The following CYP1B1 variants were observed in gnomAD, a reference collection of about 807,000 sequenced individuals.
The protein encoded by CYP1B1 is cytochrome P450 family 1 subfamily B member 1, also known as cytochrome P450 1B1.
CYP1B1 carries 22 observed loss-of-function variants against 29.9 expected under a neutral mutation model. The observed-to-expected ratio is 0.74, with a 90% CI of 0.53 to 1.05. The LOEUF is 1.05. Ranked by LOEUF, CYP1B1 falls within the 50% of genes least tolerant of loss-of-function variation. The pLI is 0.00. For missense variants in CYP1B1, 883 were observed against 746.9 expected, an observed-to-expected ratio of 1.18 and a Z score of -2.12; for synonymous variants, 375 against 320.0, an observed-to-expected ratio of 1.17 and a Z score of -1.83.
chr2:38,074,225 G>A (rs1359948575), intron 2 of CYP1B1, 121 bp downstream of exon 2: 3 of 1,099,528 alleles, frequency 2.7e-6, no homozygotes, highest in Non-Finnish European at 4.0e-6. Flanking sequence ...GGTTTTGAGG[G>A]GTGGGGACCT....
chr2:38,073,845 G>C (rs530120655), intron 2 of CYP1B1: 1 of 158,524 alleles, frequency 6.3e-6, no homozygotes, highest in Non-Finnish European at 1.4e-5. Context: ...GGCTTCCTTG[G>C]CCTGGAACAA....
rs891952654 is a variant in CYP1B1 at position 38,068,496 on chromosome 2, A to G, written c.*2226T>C. 3.1e-5 allele frequency: 7 copies of G among 225,028 alleles called. No individual in the cohort carries two copies. The highest frequency in any genetic ancestry group is 1.3e-4 in the African/African-American group (6 of 44,816). 13.9% of individuals were successfully genotyped at this position (225,028 alleles called of 1,614,324 possible). On this transcript the variant is annotated 3_prime_UTR_variant, in exon 3 of 3. Transcript: ENST00000610745. The stretch of plus-strand genomic sequence containing the variant: ...TTATTTTTGCAGCTACACATTTCTC[A>G]ATCTAAAAAAATAGGCTACAGCAGC...
Position 38,074,767 on chromosome 2 carries a change from C to A in CYP1B1, c.622G>T (p.Val208Leu). The A allele has an allele frequency of 1.3e-6, 2 of 1,598,190 alleles. No individual in the cohort carries two copies. Among genetic ancestry groups the A allele is most frequent in the Non-Finnish European group, 1.7e-6 (2 of 1,172,968 alleles). The stretch of plus-strand genomic sequence containing the variant: ...TGGCTGTAGCGGCAGCCGAAACACA[C>A]GGCACTCATGACGTTGGCCACGGCC... ...VVAVANVMSA[V>L]CFGCRYSHDD... is the part of the protein sequence containing the mutation. Residue 208 changes from valine (V) to leucine (L), a missense_variant, in exon 2 of 3, where the codon GTG (valine) becomes TTG (leucine). Val to Leu is a conservative substitution (Grantham distance 32). Transcript: ENST00000610745.
chr2:38,074,546 T>C lies in CYP1B1; in HGVS notation c.843A>G (p.Glu281=). The part of the protein sequence containing the change: ...FILDKFLRHC[E]SLRPGAAPRD... ...GGGGGGCGGCCCCGGGCCGAAGGCT[T>C]TCGCAGTGCCTCAAGAACTTGTCCA... The change falls in exon 2 of 3, where the codon GAA becomes GAG. Residue 281 remains glutamate (E), a synonymous_variant. Coordinates refer to ENST00000610745, the MANE Select transcript of CYP1B1 (RefSeq NM_000104.4). The C allele has an allele frequency of 1.2e-6, 2 of 1,608,956 alleles. No homozygotes were observed. Among genetic ancestry groups the C allele is most frequent in the Non-Finnish European group, 8.5e-7 (1 of 1,177,866 alleles).
At position 38,074,771 on chromosome 2, in the gene CYP1B1, A is replaced by G. The variant is rs920747152; in HGVS notation, c.618T>C (p.Ser206=). The change falls in exon 2 of 3, where the codon AGT becomes AGC. Residue 206 remains serine, a synonymous_variant. Transcript: ENST00000610745. ...TGTAGCGGCAGCCGAAACACACGGC[A>G]CTCATGACGTTGGCCACGGCCACGA... ...LTVVAVANVM[S]AVCFGCRYSH... is the part of the protein sequence containing the mutation. 3 of 1,596,008 alleles carry G rather than the reference A, an allele frequency of 1.9e-6. No homozygotes were observed. In the African/African-American group the frequency reaches 4.0e-5, roughly 21 times the overall value.
Position 38,074,675 on chromosome 2 carries a change from G to T in CYP1B1, c.714C>A (p.Gly238=). 6.2e-7 allele frequency: 1 copy of T among 1,613,056 alleles called. No homozygotes were observed. Among genetic ancestry groups the T allele is most frequent in the Non-Finnish European group, 8.5e-7 (1 of 1,179,980 alleles). Residue 238 remains glycine (G), a synonymous_variant, in exon 2 of 3, where the codon GGC becomes GGA. Coordinates refer to ENST00000610745, the MANE Select transcript of CYP1B1 (RefSeq NM_000104.4). The part of the protein sequence containing the change: ...NEEFGRTVGA[G]SLVDVMPWLQ... ...GCCAGGGCATCACGTCCACCAGGCTGCCCGCGCCCACCGTGCGCCCGAACT... is the reference window on the plus strand; with the variant it reads ...GCCAGGGCATCACGTCCACCAGGCTTCCCGCGCCCACCGTGCGCCCGAACT...
Position 38,074,857 on chromosome 2 carries a change from CCA to C in CYP1B1, c.530_531del (p.Leu177ArgfsTer46). The stretch of plus-strand genomic sequence containing the variant: ...GCGCTGCCGCGCACCAGCAGCGCCA[CCA>C]GCTCGCGCGCCTCGCTCAGCACGTG... Reference protein sequence around the residue: ...EGHVLSEARELVALLVRGSAD... With the variant: ...EGHVLSEAREXVALLVRGSAD... On this transcript the variant is annotated frameshift_variant, in exon 2 of 3. Coordinates refer to ENST00000610745, the MANE Select transcript of CYP1B1 (RefSeq NM_000104.4). LOFTEE classifies it high-confidence loss of function. 6.4e-7 allele frequency: 1 copy of C among 1,556,430 alleles called. No homozygotes were observed. Among genetic ancestry groups the C allele is most frequent in the Non-Finnish European group, 8.7e-7 (1 of 1,151,940 alleles).
chr2:38,075,008 G>A lies in CYP1B1; in HGVS notation c.381C>T (p.Ser127=), dbSNP rs780857657. 7.5e-6 allele frequency: 12 copies of A among 1,590,818 alleles called. No individual in the cohort carries two copies. The highest frequency in any genetic ancestry group is 3.4e-5 in the Admixed American group (2 of 59,304). Residue 127 remains serine, a synonymous_variant, in exon 2 of 3, where the codon TCC becomes TCT. Coordinates refer to ENST00000610745, the MANE Select transcript of CYP1B1 (RefSeq NM_000104.4). ...GGCCGAAAGCCATGCTGCGGCCGCC[G>A]GACACCACACGGAAGGAGGCGAAGG... The part of the protein sequence containing the change: ...RPAFASFRVV[S]GGRSMAFGHY...
rs1424826496 is a variant in CYP1B1, at chr2:38,067,767, A to T, written c.*2955T>A. The T allele has an allele frequency of 5.5e-6, 1 of 183,424 alleles. No individual in the cohort carries two copies. Among genetic ancestry groups the T allele is most frequent in the Non-Finnish European group, 1.2e-5 (1 of 86,100 alleles). The allele number at this position is 183,424 out of a possible 1,614,324, so 11.4% of individuals were successfully genotyped here. ...CAACTATGCACTGTAGCTATTATGC[A>T]CACACTAAAAGCATTCATGATAAAG... On this transcript the variant is annotated 3_prime_UTR_variant, in exon 3 of 3. Transcript: ENST00000610745.
chr2:38,074,605 C>G lies in CYP1B1; in HGVS notation c.784G>C (p.Glu262Gln). The change falls in exon 2 of 3, where the codon GAG (glutamate) becomes CAG (glutamine). Residue 262 changes from glutamate to glutamine, a missense_variant. Coordinates refer to ENST00000610745, the MANE Select transcript of CYP1B1 (RefSeq NM_000104.4). ...TTGCTGAAGTTGCGGTTGAGCTGCT[C>G]GAATTCGCGGAAAACGGTGCGCACC... ...NPVRTVFREF[E>Q]QLNRNFSNFI... 1.2e-6 allele frequency: 2 copies of G among 1,613,480 alleles called. No homozygotes were observed. Among genetic ancestry groups the G allele is most frequent in the Non-Finnish European group, 8.5e-7 (1 of 1,179,952 alleles).
In CYP1B1 at chr2:38,069,635, GAAGAA is replaced by G; in HGVS notation, c.*1082_*1086del. On this transcript the variant is annotated 3_prime_UTR_variant, in exon 3 of 3. Transcript: ENST00000610745. ...TTTTGAGATTCGCCAAAATTTGAGTGAAGAAAAGAAACCCTGCTTCATTTCCATGT... is the reference window on the plus strand; with the variant it reads ...TTTTGAGATTCGCCAAAATTTGAGTGAAGAAACCCTGCTTCATTTCCATGT... 1.0e-5 allele frequency: 2 copies of G among 200,902 alleles called. No individual in the cohort carries two copies. The highest frequency in any genetic ancestry group is 2.3e-5 in the African/African-American group (1 of 43,720). The allele number at this position is 200,902 out of a possible 1,614,324, so 12.4% of individuals were successfully genotyped here. A position where few individuals can be genotyped will look rare whatever the true frequency, so the allele number is the denominator to read the frequency against.
At position 38,074,823 on chromosome 2, in the gene CYP1B1, G is replaced by A; in HGVS notation, c.566C>T (p.Ala189Val). 1 of 1,566,886 alleles carries A rather than the reference G, an allele frequency of 6.4e-7. No homozygotes were observed. The highest frequency in any genetic ancestry group is 8.6e-7 in the Non-Finnish European group (1 of 1,156,624). ...ALLVRGSADG[A>V]FLDPRPLTVV... is the part of the protein sequence containing the mutation. ...GGTCAGCGGCCTCGGGTCGAGGAAG[G>A]CGCCGTCCGCGCTGCCGCGCACCAG... The change falls in exon 2 of 3, where the codon GCC (alanine) becomes GTC (valine). Residue 189 changes from alanine to valine, a missense_variant. By Grantham distance (64) the Ala-to-Val change is moderately conservative. Coordinates refer to ENST00000610745, the MANE Select transcript of CYP1B1 (RefSeq NM_000104.4).
At chr2:38,072,404 A>G (rs1573273628) in intron 2 of CYP1B1, among the ~76,000 whole-genome samples, 1 of 152,202 alleles carries the variant, frequency 6.6e-6, no homozygotes, top group Non-Finnish European at 1.5e-5. Flanking sequence ...TAAAAATGCA[A>G]TCAAGGCCAA....
Position 38,070,874 on chromosome 2 carries a change from T to G in CYP1B1, c.1480A>C (p.Arg494=). 6.2e-7 allele frequency: 1 copy of G among 1,614,166 alleles called. No individual in the cohort carries two copies. The highest frequency in any genetic ancestry group is 8.5e-7 in the Non-Finnish European group (1 of 1,180,036). ...TTCGCAGGCTCATTTGGGTTGGCCC[T>G]GAAATCGCACTGGTGAGCCAGGATG... is the stretch of plus-strand genomic sequence containing the variant. ...ISILAHQCDF[R]ANPNEPAKMN... Residue 494 remains arginine (R), a synonymous_variant, in exon 3 of 3, where the codon AGG becomes CGG. Coordinates refer to ENST00000610745, the MANE Select transcript of CYP1B1 (RefSeq NM_000104.4).
intron 2 of CYP1B1, chr2:38,073,315 C>G (rs1363355049): frequency 1.3e-5 from 2 of 152,236 alleles, no homozygotes; most frequent in East Asian, 3.8e-4. Flanking sequence ...GATTCAGCAT[C>G]TCCAACTGCT....
At position 38,074,825 on chromosome 2, in the gene CYP1B1, G is replaced by T. The variant is rs9341247; in HGVS notation, c.564C>A (p.Gly188=). 4.1e-3 allele frequency: 6,459 copies of T among 1,567,192 alleles called. 239 individuals are homozygous for T. In the African/African-American group the frequency reaches 0.078, roughly 19 times the overall value. Residue 188 remains glycine (G), a synonymous_variant, in exon 2 of 3, where the codon GGC becomes GGA. Coordinates refer to ENST00000610745, the MANE Select transcript of CYP1B1 (RefSeq NM_000104.4). The part of the protein sequence containing the change: ...VALLVRGSAD[G]AFLDPRPLTV... ...TCAGCGGCCTCGGGTCGAGGAAGGC[G>T]CCGTCCGCGCTGCCGCGCACCAGCA... is the stretch of plus-strand genomic sequence containing the variant.
Position 38,070,714 on chromosome 2 carries a change from C to T in CYP1B1, c.*8G>A. On this transcript the variant is annotated 3_prime_UTR_variant, in exon 3 of 3. Transcript: ENST00000610745. ...ATATTTCTAAAATTTCAGCTTGCCT[C>T]TTGCTTCTTATTGGCAAGTTTCCTT... The T allele has an allele frequency of 3.1e-6, 5 of 1,613,156 alleles. No individual in the cohort carries two copies. Among genetic ancestry groups the T allele is most frequent in the Non-Finnish European group, 4.2e-6 (5 of 1,179,082 alleles).
In CYP1B1 at chr2:38,070,450, C is replaced by T; in HGVS notation, c.*272G>A. The T allele has an allele frequency of 2.0e-6, 1 of 492,524 alleles. No homozygotes were observed. The highest frequency in any genetic ancestry group is 3.7e-6 in the Non-Finnish European group (1 of 272,560). The allele number at this position is 492,524 out of a possible 1,614,324, so 30.5% of individuals were successfully genotyped here. On this transcript the variant is annotated 3_prime_UTR_variant, in exon 3 of 3. Coordinates refer to ENST00000610745, the MANE Select transcript of CYP1B1 (RefSeq NM_000104.4). ...TTTTAACTCCAAAGAATGCTACCTT[C>T]AGAAATAACCAAGATGCAGTATGTA...
In CYP1B1 at chr2:38,070,938, G is replaced by T. The variant is rs763407370; in HGVS notation, c.1416C>A (p.Gly472=). The T allele has an allele frequency of 1.9e-6, 3 of 1,614,126 alleles. No individual in the cohort carries two copies. Among genetic ancestry groups the T allele is most frequent in the East Asian group, 4.5e-5 (2 of 44,872 alleles). The stretch of plus-strand genomic sequence containing the variant: ...AAAGCTGCATCTTAGAAAGTTCTTC[G>T]CCAATGCACCGCCTTTTGCCCACTG... ...IFSVGKRRCI[G]EELSKMQLFL... is the part of the protein sequence containing the mutation. Residue 472 remains glycine, a synonymous_variant, in exon 3 of 3, where the codon GGC becomes GGA. Transcript: ENST00000610745.
Sources: gnomAD v4.1 joint callset for allele counts (sites outside exome capture counted in the v4.1 genomes callset) on GRCh38, gnomAD v4.1.1 for gene constraint, MANE v1.5 for transcripts, NCBI Gene and HGNC (gene_info 2026-07-23, HGNC 2026-07-21) for gene names.